Variants in KSR2 observed in about 807,000 individuals in gnomAD.
KSR2 encodes kinase suppressor of ras 2.
A neutral mutation model predicts 107.8 loss-of-function variants in KSR2; 25 were observed. The observed-to-expected ratio is 0.23, with a 90% CI of 0.17 to 0.32. The LOEUF (loss-of-function observed/expected upper bound fraction) is 0.32. KSR2 is among the 10% of genes least tolerant of loss of function. KSR2 has a pLI of 1.00. For missense variants in KSR2, 887 were observed against 1,268.9 expected (o/e 0.70, Z 4.57); for synonymous variants, 480 against 507.0 (o/e 0.95, Z 0.71).
chr12:117,585,061 T>C (rs1014893278), intron 5 of KSR2, among the ~76,000 whole-genome samples: 3 of 152,174 alleles, frequency 2.0e-5, no homozygotes, highest in African/African-American at 7.2e-5. Context: ...TGTGTCTGTG[T>C]GTGTGTGTGC....
chr12:117,812,886 G>A (rs1416638375), intron 3 of KSR2, among the ~76,000 whole-genome samples: 3 of 119,412 alleles, frequency 2.5e-5, no homozygotes, highest in Admixed American at 2.4e-4. Flanking sequence ...GAACAAAGCT[G>A]GAGGCATCAC....
intron 2 of KSR2, among the ~76,000 whole-genome samples, chr12:117,856,850 TTA>T (rs765532124): frequency 1.4e-4 from 22 of 152,254 alleles, no homozygotes; most frequent in Non-Finnish European, 2.8e-4. Flanking sequence ...AGCTCCCACA[TTA>T]AACTGATAGC....
intron 2 of KSR2, among the ~76,000 whole-genome samples, chr12:117,856,290 C>T (rs1399167227): frequency 6.6e-6 from 1 of 152,140 alleles, no homozygotes; most frequent in East Asian, 1.9e-4. Flanking sequence ...TTCACCGCCA[C>T]CCCATGTTCC....
chr12:117,849,441 G>T (rs1454695720), intron 3 of KSR2, among the ~76,000 whole-genome samples: 1 of 152,096 alleles, frequency 6.6e-6, no homozygotes, highest in East Asian at 1.9e-4. Context: ...TTGGTTTCAG[G>T]ACATAGCTGC....
chr12:117,591,135 G>A (rs955802585), intron 5 of KSR2, among the ~76,000 whole-genome samples: 2 of 152,200 alleles, frequency 1.3e-5, no homozygotes, highest in Non-Finnish European at 2.9e-5. Flanking sequence ...GCCCAAGACT[G>A]TGTTCTTTCA....
intron 5 of KSR2, among the ~76,000 whole-genome samples, chr12:117,663,583 AC>A (rs1312658370): frequency 2.0e-5 from 3 of 152,226 alleles, no homozygotes; most frequent in African/African-American, 7.2e-5. Context: ...TAGGGAATTT[AC>A]ATGCATTTCT....
chr12:117,704,679 G>A (rs1177224600), intron 4 of KSR2, among the ~76,000 whole-genome samples: 1 of 152,132 alleles, frequency 6.6e-6, no homozygotes, highest in African/African-American at 2.4e-5. Flanking sequence ...CCAACACAGT[G>A]AAACCCCATC....
At chr12:117,879,649 G>A (rs890258911) in intron 1 of KSR2, among the ~76,000 whole-genome samples, 3 of 152,212 alleles carry the variant, frequency 2.0e-5, no homozygotes, top group Non-Finnish European at 4.4e-5. Context: ...CCCAGGAGGT[G>A]GAGGCTGCAG....
chr12:117,528,303 C>A lies in KSR2; in HGVS notation c.1803-1184G>T, dbSNP rs117823909. ...TTAGAGGTATGTTGCAGGGTTTAGACTTGAGGATGTGCATGTGTTTTTGAA... is the reference window on the plus strand; with the variant it reads ...TTAGAGGTATGTTGCAGGGTTTAGAATTGAGGATGTGCATGTGTTTTTGAA... On this transcript the variant is annotated intron_variant, in intron 12 of 19. Coordinates refer to ENST00000339824, the MANE Select transcript of KSR2 (RefSeq NM_173598.6). 2.3e-3 allele frequency among the ~76,000 whole-genome samples: 352 copies of A among 152,190 alleles called. 2 individuals are homozygous for A. Among genetic ancestry groups the A allele is most frequent in the Non-Finnish European group, 3.2e-3 (219 of 68,010 alleles).
intron 5 of KSR2, among the ~76,000 whole-genome samples, chr12:117,589,671 C>T (rs2136264018): frequency 6.6e-6 from 1 of 152,322 alleles, no homozygotes; most frequent in South Asian, 2.1e-4. Flanking sequence ...TCCAAGGCGC[C>T]AACCAATCCT....
At chr12:117,638,809 C>T (rs760896602) in intron 5 of KSR2, among the ~76,000 whole-genome samples, 10 of 152,130 alleles carry the variant, frequency 6.6e-5, no homozygotes, top group Admixed American at 6.6e-5. Context: ...CTGGAACTAC[C>T]ATGAGGCAAG....
intron 5 of KSR2, among the ~76,000 whole-genome samples, chr12:117,640,464 T>C (rs1883306106): frequency 6.6e-6 from 1 of 152,168 alleles, no homozygotes; most frequent in Admixed American, 6.5e-5. Context: ...TAGACCAGGC[T>C]GGTCTCAAAC....
chr12:117,770,687 G>A (rs547377158), intron 3 of KSR2, among the ~76,000 whole-genome samples: 4 of 151,918 alleles, frequency 2.6e-5, no homozygotes, highest in African/African-American at 7.2e-5. Flanking sequence ...GACAGTTATC[G>A]GTCGGGCGCG....
intron 5 of KSR2, among the ~76,000 whole-genome samples, chr12:117,593,892 T>C (rs60511765): frequency 1.8e-4 from 27 of 152,316 alleles, no homozygotes; most frequent in African/African-American, 6.5e-4. Flanking sequence ...CTGCAGTGAG[T>C]TATGCAGAGG....
chr12:117,657,513 A>G (rs554093985), intron 5 of KSR2, among the ~76,000 whole-genome samples: 2 of 152,318 alleles, frequency 1.3e-5, no homozygotes, highest in African/African-American at 4.8e-5. Context: ...AGTGATAAAG[A>G]GCTGCTTATT....
intron 1 of KSR2, among the ~76,000 whole-genome samples, chr12:117,957,094 C>A (rs755309247): frequency 1.3e-5 from 2 of 152,208 alleles, no homozygotes; most frequent in African/African-American, 2.4e-5. Context: ...CACCTCTAAT[C>A]ACATCATTAC....
At chr12:117,695,718 CA>C (rs772747653) in intron 4 of KSR2, among the ~76,000 whole-genome samples, 82 of 68,204 alleles carry the variant, frequency 1.2e-3, no homozygotes, top group Non-Finnish European at 1.7e-3. Context: ...CTCAAACAAA[CA>C]AAAAAAAAAA....
At chr12:117,873,040 G>A (rs1237890319) in intron 1 of KSR2, among the ~76,000 whole-genome samples, 1 of 152,176 alleles carries the variant, frequency 6.6e-6, no homozygotes, top group Non-Finnish European at 1.5e-5. Flanking sequence ...GCCAAGTCAA[G>A]AGAGACGCCT....
chr12:117,835,421 T>C (rs918855530), intron 3 of KSR2, among the ~76,000 whole-genome samples: 3 of 152,192 alleles, frequency 2.0e-5, no homozygotes, highest in Admixed American at 6.5e-5. Context: ...CTGGGCATGA[T>C]AAGCCAAACC....
Sources: gnomAD v4.1 joint callset for allele counts (sites outside exome capture counted in the v4.1 genomes callset) on GRCh38, gnomAD v4.1.1 for gene constraint, MANE v1.5 for transcripts, NCBI Gene and HGNC (gene_info 2026-07-23, HGNC 2026-07-21) for gene names.